The following RPGR variants were observed in gnomAD, a reference collection of about 807,000 sequenced individuals.
RPGR encodes the protein X-linked retinitis pigmentosa GTPase regulator.
A neutral mutation model predicts 56.3 loss-of-function variants in RPGR; 10 were observed. That is an observed-to-expected ratio of 0.18 (90% CI 0.11 to 0.30). RPGR has a LOEUF of 0.30. RPGR is among the 10% of genes least tolerant of loss of function. The pLI is 1.00. For missense variants in RPGR, 538 were observed against 590.9 expected (o/e 0.91, Z 0.93); for synonymous variants, 197 against 212.9 (o/e 0.93, Z 0.65).
intron 10 of RPGR, chrX:38,298,498 T>C: frequency 3.5e-6 from 1 of 285,428 alleles, no homozygotes; most frequent in Non-Finnish European, 6.5e-6. Flanking sequence ...GTTCTACAGA[T>C]TTCTGAACAA....
intron 18 of RPGR, among the ~76,000 whole-genome samples, chrX:38,270,340 C>A (rs957077188): frequency 9.3e-6 from 1 of 107,793 alleles, no homozygotes; most frequent in Non-Finnish European, 1.9e-5. Context: ...CTTGGCCAGG[C>A]GCGGTAGCCC....
At chrX:38,275,642 A>G (rs2066921047) in intron 16 of RPGR, among the ~76,000 whole-genome samples, 2 of 111,947 alleles carry the variant, frequency 1.8e-5, no homozygotes, top group African/African-American at 6.5e-5. Context: ...TTACCACAAT[A>G]CCAATTTGTA....
chrX:38,286,205 C>T, intron 15 of RPGR: 1 of 836,359 alleles, frequency 1.2e-6, no homozygotes, highest in Non-Finnish European at 1.5e-6. Context: ...TCCTCTTCCC[C>T]CTCCCCTTCT....
chrX:38,319,603 T>C (rs1020574892), intron 4 of RPGR, among the ~76,000 whole-genome samples: 2 of 112,226 alleles, frequency 1.8e-5, no homozygotes, highest in Non-Finnish European at 3.8e-5. Flanking sequence ...TGTGCCTCAT[T>C]TTCCTCATCT....
intron 6 of RPGR, among the ~76,000 whole-genome samples, chrX:38,315,439 T>G (rs2067801286): frequency 8.9e-6 from 1 of 111,850 alleles, no homozygotes. Flanking sequence ...TGGAAGTCAT[T>G]ACGTTAAATG....
intron 4 of RPGR, among the ~76,000 whole-genome samples, chrX:38,319,216 A>G (rs2067884861): frequency 8.9e-6 from 1 of 112,525 alleles, no homozygotes; most frequent in Admixed American, 9.4e-5. Flanking sequence ...TAGCAACTGA[A>G]ATGAACAGAA....
intron 11 of RPGR, 60 bp downstream of exon 11, chrX:38,297,224 A>T: frequency 9.0e-7 from 1 of 1,108,297 alleles, no homozygotes; most frequent in Non-Finnish European, 1.2e-6. Flanking sequence ...AGATAAACAT[A>T]AAAACTACAG....
chrX:38,297,036 T>C (rs1227456931), intron 11 of RPGR, among the ~76,000 whole-genome samples: 12 of 111,710 alleles, frequency 1.1e-4, no homozygotes. Context: ...AGTTAAGGAA[T>C]GTACTATAAC....
At chrX:38,304,583 T>C in intron 8 of RPGR, 52 bp downstream of exon 8, 2 of 950,922 alleles carry the variant, frequency 2.1e-6, no homozygotes, top group East Asian at 6.5e-5. Flanking sequence ...ATTTATTTTG[T>C]AATAAAATAT....
At chrX:38,293,040 C>A (rs143413611) in intron 11 of RPGR, among the ~76,000 whole-genome samples, 1,280 of 112,098 alleles carry the variant, frequency 0.011, 20 homozygotes, top group African/African-American at 0.039. Flanking sequence ...ATTATATCCT[C>A]ATTTTGTAAA....
chrX:38,325,356 T>C (rs1432778266), intron 1 of RPGR, among the ~76,000 whole-genome samples: 1 of 111,226 alleles, frequency 9.0e-6, no homozygotes, highest in Non-Finnish European at 1.9e-5. Flanking sequence ...AGGTCCCCCT[T>C]ACACACATGT....
chrX:38,283,040 T>C (rs998823378), intron 15 of RPGR, among the ~76,000 whole-genome samples: 1 of 111,766 alleles, frequency 8.9e-6, no homozygotes, highest in Non-Finnish European at 1.9e-5. Context: ...CAAAGTGGTC[T>C]CATTCTTAAG....
At position 38,285,771 on chromosome X, in the gene RPGR, CTCT is replaced by C. The variant is rs748294347; in HGVS notation, c.1905+1320_1905+1322del. 4 of 1,208,458 alleles carry C rather than the reference CTCT, an allele frequency of 3.3e-6. No homozygotes were observed. The highest frequency in any genetic ancestry group is 3.4e-6 in the Non-Finnish European group (3 of 894,807). On this transcript the variant is annotated intron_variant, in intron 15 of 18. Coordinates refer to ENST00000642395, the MANE Select transcript of RPGR (RefSeq NM_000328.3). The stretch of plus-strand genomic sequence containing the variant: ...ACTCCTCTCCATCCTGCCTTTCATT[CTCT>C]TCTTCGCCTGTCTCCTGATACTTCC...
intron 15 of RPGR, chrX:38,287,038 C>T: frequency 8.3e-7 from 1 of 1,211,013 alleles, no homozygotes; most frequent in Non-Finnish European, 1.1e-6. Context: ...TCCATCCCCT[C>T]TACCTTCAGG....
At chrX:38,300,249 C>T (rs2067478642) in intron 9 of RPGR, among the ~76,000 whole-genome samples, 1 of 111,771 alleles carries the variant, frequency 8.9e-6, no homozygotes, top group Non-Finnish European at 1.9e-5. Context: ...CGCGCCCGAC[C>T]AGTACTTTGT....
chrX:38,318,503 T>C (rs2067868197), intron 5 of RPGR, among the ~76,000 whole-genome samples: 1 of 110,628 alleles, frequency 9.0e-6, no homozygotes, highest in Non-Finnish European at 1.9e-5. Context: ...CAGTTAAAAC[T>C]GCAAGTATAA....
chrX:38,285,200 T>C (rs1009762327), intron 15 of RPGR: 61 of 866,037 alleles, frequency 7.0e-5, no homozygotes, highest in Non-Finnish European at 8.3e-5. Flanking sequence ...ATGATTTGTA[T>C]ACACAAACAA....
intron 15 of RPGR, chrX:38,284,870 A>C (rs1646050855): frequency 1.3e-6 from 1 of 749,587 alleles, no homozygotes; most frequent in African/African-American, 2.3e-5. Context: ...CAGATTATAC[A>C]TTTAAATTAA....
intron 15 of RPGR, chrX:38,285,757 T>C: frequency 1.7e-6 from 2 of 1,211,179 alleles, no homozygotes; most frequent in Non-Finnish European, 2.2e-6. Flanking sequence ...CTCCTCTCCA[T>C]CCTGCCTTTC....
Sources: gnomAD v4.1 joint callset for allele counts (sites outside exome capture counted in the v4.1 genomes callset) on GRCh38, gnomAD v4.1.1 for gene constraint, MANE v1.5 for transcripts, NCBI Gene and HGNC (gene_info 2026-07-23, HGNC 2026-07-21) for gene names.